DMPK: variants seen among roughly 807,000 people sequenced by gnomAD.
DMPK encodes DM1 protein kinase, also known as myotonin-protein kinase.
A neutral mutation model predicts 70.3 loss-of-function variants in DMPK; 32 were observed. The ratio of observed to expected loss-of-function variants is 0.46; its 90% confidence interval spans 0.34 to 0.61. DMPK has a LOEUF of 0.61. Among genes scored for constraint, DMPK ranks in the 20% least tolerant of loss-of-function variants. DMPK has a pLI of 0.01. For synonymous variants in DMPK, 469 were observed against 390.9 expected (o/e 1.20, Z -2.36); for missense variants, 899 against 886.0 (o/e 1.01, Z -0.19).
At chr19:45,780,058 A>G (rs752437441) in intron 1 of DMPK, 189 bp from the exon 2 acceptor site, 15 of 1,529,948 alleles carry the variant, frequency 9.8e-6, no homozygotes, top group African/African-American at 2.8e-5. Flanking sequence ...ATGCCCTCCC[A>G]TAGAGGTGAG....
chr19:45,775,194 G>A, intron 8 of DMPK, 160 bp from the exon 9 acceptor site: 1 of 595,440 alleles, frequency 1.7e-6, no homozygotes, highest in South Asian at 1.9e-5. Context: ...TTGATACGGA[G>A]TCTCGCTCTG....
chr19:45,772,024 A>C (rs1348427777), intron 10 of DMPK, 96 bp from the exon 11 acceptor site: 4 of 1,411,366 alleles, frequency 2.8e-6, no homozygotes, highest in Non-Finnish European at 3.7e-6. Context: ...TTTATCCCCT[A>C]CTCCTCCGTC....
chr19:45,770,006 G>A lies in DMPK; in HGVS notation c.*482C>T, dbSNP rs1969237090. ...AAAAGCAAATTTCCCGAGTAAGCAG[G>A]CAGAGATCGCGCCAGACGCTCCCCA... On this transcript the variant is annotated 3_prime_UTR_variant, in exon 15 of 15. Transcript: ENST00000291270. 3 of 358,244 alleles carry A rather than the reference G, an allele frequency of 8.4e-6. No individual in the cohort carries two copies. Among genetic ancestry groups the A allele is most frequent in the Admixed American group, 4.0e-5 (1 of 24,792 alleles). 22.2% of individuals were successfully genotyped at this position (358,244 alleles called of 1,614,324 possible). A position where few individuals can be genotyped will look rare whatever the true frequency, so the allele number is the denominator to read the frequency against.
At chr19:45,775,080 CCTCA>C in intron 8 of DMPK, 46 bp from the exon 9 acceptor site, 1 of 1,496,424 alleles carries the variant, frequency 6.7e-7, no homozygotes, top group Non-Finnish European at 9.2e-7. Context: ...AGGGCGGGCC[CCTCA>C]CTGCTTTTTG....
intron 13 of DMPK, 99 bp from the exon 14 acceptor site, chr19:45,771,159 T>TA (rs1293607868): frequency 3.4e-6 from 4 of 1,193,568 alleles, no homozygotes. Flanking sequence ...GGAGGTTATC[T>TA]AGGGAGATCC....
chr19:45,771,544 G>T lies in DMPK; in HGVS notation c.1600+24C>A, dbSNP rs200633144. 44 of 1,613,680 alleles carry T rather than the reference G, an allele frequency of 2.7e-5. No individual in the cohort carries two copies. The African/African-American group carries it at 5.3e-4, about 20-fold the overall frequency. On this transcript the variant is annotated intron_variant, in intron 12 of 14. Coordinates refer to ENST00000291270, the MANE Select transcript of DMPK (RefSeq NM_004409.5). ...GCCCACCTCCTCCCGGTCCTCCGGGGAAGGGGACACATGAGGGACTCACCT... is the reference window on the plus strand; with the variant it reads ...GCCCACCTCCTCCCGGTCCTCCGGGTAAGGGGACACATGAGGGACTCACCT...
rs1164833141 is a variant in DMPK, at chr19:45,770,579, C to T, written c.1799G>A (p.Arg600His). Residue 600 changes from arginine to histidine, a missense_variant, in exon 15 of 15, where the codon CGT (arginine) becomes CAT (histidine). Physicochemically the swap from Arg to His is conservative, Grantham distance 29 (BLOSUM62 0). Around this residue, in one of 3 missense-constraint regions of DMPK, gnomAD observed 555 missense variants for 483.8 expected, o/e 1.15. Transcript: ENST00000291270. ...CCCAATGCAGCCCAGGGCGGCGGCACGAGACAGAACAACGGCGAACAGGAG... is the reference window on the plus strand; with the variant it reads ...CCCAATGCAGCCCAGGGCGGCGGCATGAGACAGAACAACGGCGAACAGGAG... ...SLLLFAVVLS[R>H]AAALGCIGLV... The T allele has an allele frequency of 1.9e-6, 3 of 1,551,952 alleles. No individual in the cohort carries two copies. Among genetic ancestry groups the T allele is most frequent in the Non-Finnish European group, 2.6e-6 (3 of 1,147,758 alleles).
In DMPK at chr19:45,770,612, A is replaced by G. The variant is rs775127609; in HGVS notation, c.1766T>C (p.Leu589Pro). Reference protein sequence around the residue: ...RVPRPGLSEALSLLLFAVVLS... With the variant: ...RVPRPGLSEAPSLLLFAVVLS... The stretch of plus-strand genomic sequence containing the variant: ...AACAACGGCGAACAGGAGCAGGGAA[A>G]GCGCCTCCGATAGGCCAGGCCTAGG... Residue 589 changes from leucine to proline, a missense_variant, in exon 15 of 15, where the codon CTT (leucine) becomes CCT (proline). Physicochemically the swap from Leu to Pro is moderately conservative, Grantham distance 98. Transcript: ENST00000291270. The G allele has an allele frequency of 1.2e-5, 18 of 1,552,716 alleles. No individual in the cohort carries two copies. The highest frequency in any genetic ancestry group is 2.7e-5 in the African/African-American group (2 of 73,110).
rs762108717 is a variant in DMPK, at chr19:45,769,935, G to A, written c.*553C>T. ...AGCCGGCTGGGGCTCCGAGAGCAGCGCAAGTGAGGAGGGGGGCGCGGGATC... is the reference window on the plus strand; with the variant it reads ...AGCCGGCTGGGGCTCCGAGAGCAGCACAAGTGAGGAGGGGGGCGCGGGATC... On this transcript the variant is annotated 3_prime_UTR_variant, in exon 15 of 15. Coordinates refer to ENST00000291270, the MANE Select transcript of DMPK (RefSeq NM_004409.5). The A allele has an allele frequency of 8.3e-4, 252 of 304,502 alleles. 2 individuals carry two copies. The highest frequency in any genetic ancestry group is 5.3e-4 in the South Asian group (16 of 30,104). The allele number at this position is 304,502 out of a possible 1,614,324, so 18.9% of individuals were successfully genotyped here.
Position 45,771,351 on chromosome 19 carries a change from T to C in DMPK, c.1646A>G (p.His549Arg), listed in dbSNP as rs776849518. ...PSPRATDPPSHLDGPPAVAVG... is the reference protein window; with the variant it reads ...PSPRATDPPSRLDGPPAVAVG... ...GCAGGGGAAAGAGAGGGGTCTTACA[T>C]GGGAAGGTGGATCCGTGGCCCGGGG... Residue 549 changes from histidine (H) to arginine (R), a missense_variant and splice_region_variant, in exon 13 of 15, where the codon CAT becomes CGT. By Grantham distance (29) the His-to-Arg change is conservative. Coordinates refer to ENST00000291270, the MANE Select transcript of DMPK (RefSeq NM_004409.5). 3.8e-6 allele frequency: 6 copies of C among 1,596,490 alleles called. No homozygotes were observed. Among genetic ancestry groups the C allele is most frequent in the Admixed American group, 1.9e-5 (1 of 53,796 alleles).
At position 45,770,347 on chromosome 19, in the gene DMPK, C is replaced by A; in HGVS notation, c.*141G>T. On this transcript the variant is annotated 3_prime_UTR_variant, in exon 15 of 15. Coordinates refer to ENST00000291270, the MANE Select transcript of DMPK (RefSeq NM_004409.5). The stretch of plus-strand genomic sequence containing the variant: ...CCCTCCCCGGCCGCTAGGGGGCGGG[C>A]CCGGATCACAGGACTGGAGCTGGGC... 1 of 1,212,562 alleles carries A rather than the reference C, an allele frequency of 8.2e-7. No individual in the cohort carries two copies. Among genetic ancestry groups the A allele is most frequent in the South Asian group, 1.3e-5 (1 of 74,964 alleles). The allele number at this position is 1,212,562 out of a possible 1,614,324, so 75.1% of individuals were successfully genotyped here. A position where few individuals can be genotyped will look rare whatever the true frequency, so the allele number is the denominator to read the frequency against.
chr19:45,779,102 A>G, intron 4 of DMPK, 162 bp downstream of exon 4: 1 of 687,116 alleles, frequency 1.5e-6, no homozygotes, highest in South Asian at 1.7e-5. Context: ...CAGATAGGGA[A>G]GGCCCCTCAT....
chr19:45,781,990 T>A (rs1970145510), intron 1 of DMPK, among the ~76,000 whole-genome samples: 1 of 152,142 alleles, frequency 6.6e-6, no homozygotes, highest in African/African-American at 2.4e-5. Flanking sequence ...TCTGCTGACC[T>A]TACTCTGCCC....
At chr19:45,770,756 C>T (rs763802779) in intron 14 of DMPK, 116 bp from the exon 15 acceptor site, 184 of 1,251,522 alleles carry the variant, frequency 1.5e-4, no homozygotes, top group Non-Finnish European at 2.0e-4. Flanking sequence ...GCCCCCGCCC[C>T]AACAGCCTAC....
chr19:45,778,753 GC>G, intron 4 of DMPK, 112 bp from the exon 5 acceptor site: 2 of 1,159,830 alleles, frequency 1.7e-6, no homozygotes, highest in Non-Finnish European at 2.4e-6. Flanking sequence ...GAGACCTGCA[GC>G]CCCAGCCCAG....
Position 45,770,049 on chromosome 19 carries a change from C to T in DMPK, c.*439G>A. 1 of 451,276 alleles carries T rather than the reference C, an allele frequency of 2.2e-6. No individual in the cohort carries two copies. The highest frequency in any genetic ancestry group is 4.2e-6 in the Non-Finnish European group (1 of 240,024). 28.0% of individuals were successfully genotyped at this position (451,276 alleles called of 1,614,324 possible). A position where few individuals can be genotyped will look rare whatever the true frequency, so the allele number is the denominator to read the frequency against. On this transcript the variant is annotated 3_prime_UTR_variant, in exon 15 of 15. Coordinates refer to ENST00000291270, the MANE Select transcript of DMPK (RefSeq NM_004409.5). ...GCTCCCCAGAGCAGGGCGTCATGCA[C>T]AAGAAAGCTTTGCACTTTGCGAACC...
In DMPK at chr19:45,771,808, T is replaced by C; in HGVS notation, c.1465A>G (p.Met489Val). ...TGGTTGTCCGTGCGGATGGCCTCCA[T>C]CTCCCGGCTCAGGCTCTGCCGGGTG... Reference protein sequence around the residue: ...VLTRQSLSREMEAIRTDNQNF... With the variant: ...VLTRQSLSREVEAIRTDNQNF... Residue 489 changes from methionine to valine, a missense_variant, in exon 11 of 15, where the codon ATG (methionine) becomes GTG (valine). By Grantham distance (21) the Met-to-Val change is conservative. Transcript: ENST00000291270. 6.4e-7 allele frequency: 1 copy of C among 1,568,770 alleles called. No homozygotes were observed. The highest frequency in any genetic ancestry group is 2.4e-5 in the East Asian group (1 of 42,072).
Position 45,769,874 on chromosome 19 carries a change from G to T in DMPK, c.*614C>A. The T allele has an allele frequency of 1.2e-5, 3 of 251,612 alleles. No homozygotes were observed. Among genetic ancestry groups the T allele is most frequent in the South Asian group, 9.2e-5 (2 of 21,796 alleles). The allele number at this position is 251,612 out of a possible 1,614,324, so 15.6% of individuals were successfully genotyped here. On this transcript the variant is annotated 3_prime_UTR_variant, in exon 15 of 15. Transcript: ENST00000291270. ...GTAGCCTGTCAGCGAGTCGGAGGAC[G>T]AGGTCAATAAATATCCAAACCGCCG... is the stretch of plus-strand genomic sequence containing the variant.
Position 45,775,658 on chromosome 19 carries a change from C to G in DMPK, c.1147-624G>C, listed in dbSNP as rs2146241807. 1.8e-5 allele frequency among the ~76,000 whole-genome samples: 2 copies of G among 110,694 alleles called. 1 individual carries two copies. Among genetic ancestry groups the G allele is most frequent in the African/African-American group, 6.1e-5 (2 of 32,664 alleles). 72.6% of individuals were successfully genotyped at this position (110,694 alleles called of 152,430 possible). ...TCAGCCTCCTGAGTAGCTGGCATTACAGGCATACGCCACCAAGCCTGGCTA... is the reference window on the plus strand; with the variant it reads ...TCAGCCTCCTGAGTAGCTGGCATTAGAGGCATACGCCACCAAGCCTGGCTA... On this transcript the variant is annotated intron_variant, in intron 8 of 14. Coordinates refer to ENST00000291270, the MANE Select transcript of DMPK (RefSeq NM_004409.5).
Sources: gnomAD v4.1 joint callset for allele counts (sites outside exome capture counted in the v4.1 genomes callset) on GRCh38, gnomAD v4.1.1 for gene constraint, gnomAD v4.1.1 regional missense constraint, MANE v1.5 for transcripts, NCBI Gene and HGNC (gene_info 2026-07-23, HGNC 2026-07-21) for gene names.